The following SPEG variants were observed in gnomAD, a reference collection of about 807,000 sequenced individuals.
SPEG encodes striated muscle preferentially expressed protein kinase.
A neutral mutation model predicts 300.4 loss-of-function variants in SPEG; 114 were observed. The ratio of observed to expected loss-of-function variants is 0.38; its 90% CI spans 0.33 to 0.44. The LOEUF is 0.44. Among genes scored for constraint, SPEG ranks in the 20% least tolerant of loss-of-function variants. SPEG has a pLI of 1.00. For missense variants in SPEG, 4,201 were observed against 4,586.2 expected (o/e 0.92, Z 2.43); for synonymous variants, 1,964 against 2,018.9 (o/e 0.97, Z 0.73).
In SPEG at chr2:219,445,227, C is replaced by G; in HGVS notation, c.815+66C>G. On this transcript the variant is annotated intron_variant, in intron 3 of 40. Transcript: ENST00000312358. The surrounding 1 kb of genome is among the most constrained non-coding windows in gnomAD (Gnocchi z 6.1). ...ACCACGCTGTCCTGCGCTGCCCTCA[C>G]TGCTCAGTCAGCCTCCACCCATCAC... 1 of 1,427,800 alleles carries G rather than the reference C, an allele frequency of 7.0e-7. No homozygotes were observed. The highest frequency in any genetic ancestry group is 9.6e-7 in the Non-Finnish European group (1 of 1,036,802). The allele number at this position is 1,427,800 out of a possible 1,614,324, so 88.4% of individuals were successfully genotyped here.
chr2:219,456,908 CAAA>C (rs61151030), intron 6 of SPEG, among the ~76,000 whole-genome samples: 1 of 39,612 alleles, frequency 2.5e-5, no homozygotes, highest in Non-Finnish European at 9.4e-5. Context: ...GACTCTGTCT[CAAA>C]AAAAAAAAAA....
chr2:219,460,779 C>T, intron 6 of SPEG: 1 of 986,240 alleles, frequency 1.0e-6, no homozygotes, highest in South Asian at 4.7e-5. Flanking sequence ...CCTCCTCCTT[C>T]CCCTCCTCAG....
chr2:219,435,953 C>T (rs1452055819), intron 1 of SPEG, among the ~76,000 whole-genome samples: 1 of 152,156 alleles, frequency 6.6e-6, no homozygotes, highest in Non-Finnish European at 1.5e-5. Context: ...CGAGCCAGGG[C>T]CCCATGGGCA....
rs1226675997 is a variant in SPEG, at chr2:219,484,330, C to G, written c.6867C>G (p.Ala2289=). Residue 2289 remains alanine (A), a synonymous_variant, in exon 30 of 41, where the codon GCC becomes GCG. Coordinates refer to ENST00000312358, the MANE Select transcript of SPEG (RefSeq NM_005876.5). ...GGGTGGCCTCCCCACCTCCGGGAGC[C>G]CCCGAGAAGCGCGTGCCCTCAGCCG... ...FARVASPPPG[A]PEKRVPSAGG... is the part of the protein sequence containing the mutation. 3 of 1,604,310 alleles carry G rather than the reference C, an allele frequency of 1.9e-6. No homozygotes were observed. Among genetic ancestry groups the G allele is most frequent in the South Asian group, 2.2e-5 (2 of 90,840 alleles).
At chr2:219,465,598 T>C (rs1297004908) in intron 9 of SPEG, 1 of 213,034 alleles carries the variant, frequency 4.7e-6, no homozygotes, top group Non-Finnish European at 9.4e-6. Context: ...ACCCCCAGGC[T>C]TTGGGGTGCT....
Position 219,482,851 on chromosome 2 carries a change from A to C in SPEG, c.5633A>C (p.Gln1878Pro). 6.2e-7 allele frequency: 1 copy of C among 1,613,690 alleles called. No individual in the cohort carries two copies. The highest frequency in any genetic ancestry group is 8.5e-7 in the Non-Finnish European group (1 of 1,179,828). The change falls in exon 29 of 41, where the codon CAG (glutamine) becomes CCG (proline). Residue 1878 changes from glutamine to proline, a missense_variant and splice_region_variant. By Grantham distance (76) the Gln-to-Pro change is moderately conservative. Transcript: ENST00000312358. ...CTATTCCTCTCCCGGCGGAGGTGGCAGGTAAGTGTGGCAGGCCAGCCTCTG... is the reference window on the plus strand; with the variant it reads ...CTATTCCTCTCCCGGCGGAGGTGGCCGGTAAGTGTGGCAGGCCAGCCTCTG... ...LKLFLSRRRW[Q>P]RSQISYKCHL... is the part of the protein sequence containing the mutation.
intron 12 of SPEG, 33 bp downstream of exon 12, chr2:219,469,081 G>T: frequency 6.2e-7 from 1 of 1,608,314 alleles, no homozygotes; most frequent in Non-Finnish European, 8.5e-7. Flanking sequence ...TGCTGGGGCT[G>T]CCTGTGAGGG....
At chr2:219,446,504 T>A (rs1322453497) in intron 3 of SPEG, among the ~76,000 whole-genome samples, 2 of 152,032 alleles carry the variant, frequency 1.3e-5, no homozygotes, top group Non-Finnish European at 2.9e-5. Flanking sequence ...GGTTTCTGTC[T>A]CTCAGGCCAC....
chr2:219,472,882 C>A lies in SPEG; in HGVS notation c.3941-8C>A. 1 of 1,568,222 alleles carries A rather than the reference C, an allele frequency of 6.4e-7. No homozygotes were observed. The highest frequency in any genetic ancestry group is 1.2e-5 in the South Asian group (1 of 84,550). On this transcript the variant is annotated splice_region_variant and splice_polypyrimidine_tract_variant and intron_variant, in intron 15 of 40. Transcript: ENST00000312358. ...AACAGCAGCCTCTAGTAGCTCCTCT[C>A]CCGCCAGACCCGGACTCCCTGACGT...
chr2:219,460,806 C>T, intron 6 of SPEG: 7 of 986,236 alleles, frequency 7.1e-6, no homozygotes, highest in Non-Finnish European at 8.4e-6. Flanking sequence ...TCCCCTCCCC[C>T]AGGGCCTTCT....
chr2:219,455,565 G>C (rs1056315587), intron 6 of SPEG, among the ~76,000 whole-genome samples: 1 of 152,150 alleles, frequency 6.6e-6, no homozygotes, highest in Admixed American at 6.5e-5. Context: ...GCTGGAGGCT[G>C]GAGCTATGAT....
Position 219,451,303 on chromosome 2 carries a change from G to T in SPEG, c.2257+24G>T, listed in dbSNP as rs773542069. 2.5e-6 allele frequency: 4 copies of T among 1,587,458 alleles called. No individual in the cohort carries two copies. Among genetic ancestry groups the T allele is most frequent in the East Asian group, 2.3e-5 (1 of 44,300 alleles). ...AGGTGAGCTCCAGCACTGGGCCAAG[G>T]TGCGGTCGAGGTTGGGAGGGGGTGT... On this transcript the variant is annotated intron_variant, in intron 5 of 40. Transcript: ENST00000312358. This position sits in a 1 kb window ranked among gnomAD's most constrained non-coding sequence, Gnocchi z 6.4.
In SPEG at chr2:219,441,746, A is replaced by G. The variant is rs145875808; in HGVS notation, c.389-2907A>G. Among the ~76,000 whole-genome samples, 1,298 of 151,922 alleles carry G rather than the reference A, an allele frequency of 8.5e-3. 18 individuals carry two copies. Among genetic ancestry groups the G allele is most frequent in the African/African-American group, 0.03 (1,230 of 41,418 alleles). On this transcript the variant is annotated intron_variant, in intron 1 of 40. Coordinates refer to ENST00000312358, the MANE Select transcript of SPEG (RefSeq NM_005876.5). The stretch of plus-strand genomic sequence containing the variant: ...CCGTGGCTCTCGGCGTTAGGAGGTG[A>G]CCGGTGGTCGTGTAGGGAGGCAGGT...
chr2:219,460,387 C>T (rs1690561432), intron 6 of SPEG: 24 of 985,412 alleles, frequency 2.4e-5, no homozygotes, highest in Middle Eastern at 5.2e-4. Flanking sequence ...TTGGTGGTTC[C>T]GTCAGAGCAA....
intron 9 of SPEG, 77 bp from the exon 10 acceptor site, chr2:219,467,095 CTG>C: frequency 6.9e-7 from 1 of 1,447,400 alleles, no homozygotes; most frequent in South Asian, 1.4e-5. Context: ...GTCTGTCTCT[CTG>C]TGCGTGCGTA....
Position 219,435,004 on chromosome 2 carries a change from C to A in SPEG, c.27C>A (p.Gly9=), listed in dbSNP as rs1290275806. The change falls in exon 1 of 41, where the codon GGC becomes GGA. Residue 9 remains glycine (G), a synonymous_variant. Transcript: ENST00000312358. MQKARGTR[G]EDAGTRAPPS... ...TGCAGAAAGCCCGGGGCACGCGAGG[C>A]GAGGATGCGGGCACGAGGGCACCCC... The A allele has an allele frequency of 4.0e-6, 6 of 1,505,030 alleles. No individual in the cohort carries two copies. In the African/African-American group the frequency reaches 7.2e-5, roughly 18 times the overall value. The allele number at this position is 1,505,030 out of a possible 1,614,324, so 93.2% of individuals were successfully genotyped here.
chr2:219,461,036 G>T lies in SPEG; in HGVS notation c.2441-846G>T, dbSNP rs574586462. On this transcript the variant is annotated intron_variant, in intron 6 of 40. Coordinates refer to ENST00000312358, the MANE Select transcript of SPEG (RefSeq NM_005876.5). The stretch of plus-strand genomic sequence containing the variant: ...AGCCCTGCTGGGGGCTTGGGGTGGG[G>T]GGACCCTGGGGAGAACCTAGGGGGC... The T allele has an allele frequency of 8.6e-5, 83 of 968,588 alleles. 2 individuals are homozygous for T. The South Asian group carries it at 3.4e-3, about 40-fold the overall frequency. 60.0% of individuals were successfully genotyped at this position (968,588 alleles called of 1,614,324 possible). A position where few individuals can be genotyped will look rare whatever the true frequency, so the allele number is the denominator to read the frequency against.
chr2:219,465,914 TGTGTGTGTGC>T, intron 9 of SPEG: 1 of 677,384 alleles, frequency 1.5e-6, no homozygotes, highest in Middle Eastern at 3.0e-4. Context: ...TGTGCATGCG[TGTGTGTGTGC>T]GCGCGTGTGC....
intron 3 of SPEG, 142 bp from the exon 4 acceptor site, chr2:219,447,832 T>C (rs952544088): frequency 1.5e-6 from 1 of 674,362 alleles, no homozygotes; most frequent in South Asian, 1.9e-5. Context: ...CTCGTGGGGG[T>C]GGGGGTGGGG....
Sources: allele counts gnomAD v4.1 joint callset (sites outside exome capture counted in the v4.1 genomes callset), GRCh38; gene constraint gnomAD v4.1.1; non-coding constraint Gnocchi (gnomAD v3.1); transcripts MANE v1.5; gene names NCBI Gene and HGNC (gene_info 2026-07-23, HGNC 2026-07-21).